ZNF407: variants seen among roughly 807,000 people sequenced by gnomAD.
ZNF407 encodes the protein zinc finger protein 407.
A neutral mutation model predicts 131.2 loss-of-function variants in ZNF407; 17 were observed. That is an observed-to-expected ratio of 0.13 (90% CI 0.09 to 0.19). ZNF407 has a LOEUF of 0.19. Ranked by LOEUF, ZNF407 falls within the 10% of genes least tolerant of loss-of-function variation. The pLI is 1.00. For missense variants in ZNF407, 2,681 were observed against 2,830.6 expected, an observed-to-expected ratio of 0.95 and a Z score of 1.20; for synonymous variants, 1,156 against 1,062.0, an observed-to-expected ratio of 1.09 and a Z score of -1.72.
intron 8 of ZNF407, among the ~76,000 whole-genome samples, chr18:74,934,580 G>A (rs539100937): frequency 4.6e-5 from 7 of 152,218 alleles, no homozygotes; most frequent in African/African-American, 1.2e-4. Context: ...AGGCCAAGGC[G>A]GGTGGATCAC....
At chr18:75,036,234 G>A (rs183819752) in intron 8 of ZNF407, among the ~76,000 whole-genome samples, 1 of 152,268 alleles carries the variant, frequency 6.6e-6, no homozygotes, top group East Asian at 1.9e-4. Flanking sequence ...ATGTATTGCA[G>A]TAGTGATGAG....
At chr18:75,054,156 C>T (rs1279508292) in intron 8 of ZNF407, among the ~76,000 whole-genome samples, 1 of 152,192 alleles carries the variant, frequency 6.6e-6, no homozygotes, top group Non-Finnish European at 1.5e-5. Context: ...AGAAGAAATC[C>T]GCATTGTTTC....
At chr18:74,600,782 A>G (rs1463615576) in intron 1 of ZNF407, among the ~76,000 whole-genome samples, 1 of 152,256 alleles carries the variant, frequency 6.6e-6, no homozygotes, top group Non-Finnish European at 1.5e-5. Flanking sequence ...AAAGGTGTTT[A>G]GGATGGCTGG....
intron 3 of ZNF407, among the ~76,000 whole-genome samples, chr18:74,760,990 G>A (rs1346490846): frequency 6.6e-6 from 1 of 152,002 alleles, no homozygotes. Flanking sequence ...ATTTTTGGAG[G>A]ACCTCACTTT....
intron 3 of ZNF407, among the ~76,000 whole-genome samples, chr18:74,778,941 A>C (rs868506024): frequency 2.6e-5 from 4 of 151,646 alleles, no homozygotes; most frequent in African/African-American, 9.7e-5. Flanking sequence ...TATGTAGATT[A>C]TGTATATATA....
At chr18:74,948,976 A>G (rs1972184540) in intron 8 of ZNF407, among the ~76,000 whole-genome samples, 1 of 152,232 alleles carries the variant, frequency 6.6e-6, no homozygotes, top group South Asian at 2.1e-4. Context: ...AGAAAGGACA[A>G]TCTAAAGCTT....
At chr18:74,788,322 TG>T (rs1373544198) in intron 4 of ZNF407, among the ~76,000 whole-genome samples, 2 of 152,208 alleles carry the variant, frequency 1.3e-5, no homozygotes, top group Non-Finnish European at 2.9e-5. Flanking sequence ...CATTTGGTTT[TG>T]GGGGCGTTGT....
Position 74,836,884 on chromosome 18 carries a change from A to T in ZNF407, c.4878-40313A>T, listed in dbSNP as rs559947502. 4.3e-4 allele frequency among the ~76,000 whole-genome samples: 65 copies of T among 152,284 alleles called. No individual in the cohort carries two copies. In the South Asian group the frequency reaches 0.013, roughly 30 times the overall value. Reference sequence around the variant, plus strand: ...CAGAGCTAGTAGGCGGTTCCTCTGCATGGATCACCCACCGACCCCACTTGC... The same window carrying T: ...CAGAGCTAGTAGGCGGTTCCTCTGCTTGGATCACCCACCGACCCCACTTGC... On this transcript the variant is annotated intron_variant, in intron 4 of 8. Transcript: ENST00000299687.
At chr18:74,795,346 A>G (rs1367391225) in intron 4 of ZNF407, among the ~76,000 whole-genome samples, 1 of 152,206 alleles carries the variant, frequency 6.6e-6, no homozygotes, top group African/African-American at 2.4e-5. Flanking sequence ...TTTATTTGTC[A>G]TTCTATAACA....
chr18:74,921,796 G>A (rs1004725621), intron 8 of ZNF407, among the ~76,000 whole-genome samples: 6 of 152,200 alleles, frequency 3.9e-5, no homozygotes, highest in Non-Finnish European at 8.8e-5. Flanking sequence ...TGGTGGGGAT[G>A]TGGGGATTGT....
chr18:74,618,680 G>A (rs1235123168), intron 1 of ZNF407, among the ~76,000 whole-genome samples: 8 of 151,946 alleles, frequency 5.3e-5, no homozygotes, highest in African/African-American at 1.5e-4. Flanking sequence ...CCTCTTCCCC[G>A]CAAAGTAATA....
At chr18:74,918,813 A>G (rs1017748046) in intron 7 of ZNF407, among the ~76,000 whole-genome samples, 3 of 152,210 alleles carry the variant, frequency 2.0e-5, no homozygotes, top group Non-Finnish European at 4.4e-5. Flanking sequence ...GCATTGCAGT[A>G]TAGCTGCATT....
chr18:74,997,569 G>A (rs1972794125), intron 8 of ZNF407, among the ~76,000 whole-genome samples: 1 of 152,132 alleles, frequency 6.6e-6, no homozygotes, highest in South Asian at 2.1e-4. Flanking sequence ...GTGTCCATGG[G>A]CCCATGTGTC....
intron 8 of ZNF407, chr18:75,061,236 G>C (rs1461129799): frequency 6.6e-6 from 1 of 152,176 alleles, no homozygotes. Context: ...GGAGATTAAA[G>C]CAGAATATCT....
At chr18:74,781,176 C>T (rs1001246798) in intron 3 of ZNF407, among the ~76,000 whole-genome samples, 1 of 152,136 alleles carries the variant, frequency 6.6e-6, no homozygotes, top group African/African-American at 2.4e-5. Context: ...TGAAGAACTA[C>T]AATCATTGTG....
intron 8 of ZNF407, among the ~76,000 whole-genome samples, chr18:74,979,771 G>C (rs893305894): frequency 6.6e-6 from 1 of 151,988 alleles, no homozygotes; most frequent in African/African-American, 2.4e-5. Flanking sequence ...AAAATAAAAG[G>C]ACCATTTATT....
chr18:75,021,108 C>G (rs1375880040), intron 8 of ZNF407, among the ~76,000 whole-genome samples: 2 of 151,880 alleles, frequency 1.3e-5, no homozygotes, highest in Non-Finnish European at 2.9e-5. Flanking sequence ...AATGACAGAA[C>G]CAAGATTCAA....
intron 2 of ZNF407, among the ~76,000 whole-genome samples, chr18:74,639,206 C>T (rs1419441281): frequency 3.3e-5 from 5 of 152,160 alleles, no homozygotes; most frequent in Admixed American, 3.3e-4. Context: ...ATCTGTGCCA[C>T]AGGAGGAGGA....
At chr18:74,974,471 T>TC (rs1568288235) in intron 8 of ZNF407, among the ~76,000 whole-genome samples, 1 of 152,158 alleles carries the variant, frequency 6.6e-6, no homozygotes, top group Non-Finnish European at 1.5e-5. Flanking sequence ...TCTCACTTTT[T>TC]CCCCCCAAGT....
Sources: gnomAD v4.1 joint callset for allele counts (sites outside exome capture counted in the v4.1 genomes callset) on GRCh38, gnomAD v4.1.1 for gene constraint, MANE v1.5 for transcripts, NCBI Gene and HGNC (gene_info 2026-07-23, HGNC 2026-07-21) for gene names.